SMOX: variants seen among roughly 807,000 people sequenced by gnomAD.
SMOX encodes flavin containing amine oxidase.
A neutral mutation model predicts 51.0 loss-of-function variants in SMOX; 22 were observed. The observed-to-expected ratio is 0.43, with a 90% CI of 0.31 to 0.62. SMOX has a LOEUF of 0.62. Among genes scored for constraint, SMOX ranks in the 20% least tolerant of loss-of-function variants. SMOX has a pLI of 0.10. For missense variants in SMOX, 566 were observed against 777.7 expected (o/e 0.73, Z 3.24); for synonymous variants, 282 against 307.8 (o/e 0.92, Z 0.88).
In SMOX at chr20:4,172,629, C is replaced by T. The variant is rs2122516807; in HGVS notation, c.-26-2401C>T. Among the ~76,000 whole-genome samples the T allele has an allele frequency of 6.6e-6, 1 of 152,202 alleles. No homozygotes were observed. The highest frequency in any genetic ancestry group is 2.4e-5 in the African/African-American group (1 of 41,542). On this transcript the variant is annotated intron_variant, in intron 1 of 6. Transcript: ENST00000305958. This position sits in a 1 kb window ranked among gnomAD's most constrained non-coding sequence, Gnocchi z 7.7. The stretch of plus-strand genomic sequence containing the variant: ...CCTCATCCCCAGCGAAAGCGCGACA[C>T]CCGCTGTCTGGGAAGGGGAGCGGGA...
chr20:4,175,325 G>C lies in SMOX; in HGVS notation c.208+62G>C. 2.6e-6 allele frequency: 4 copies of C among 1,528,904 alleles called. No individual in the cohort carries two copies. The African/African-American group carries it at 4.1e-5, about 16-fold the overall frequency. The allele number at this position is 1,528,904 out of a possible 1,614,324, so 94.7% of individuals were successfully genotyped here. Reference sequence around the variant, plus strand: ...GGTCACCTTTAGTCTCCTAATTCCCGGCTCTGCCTGAAATCTCATTATTTT... The same window carrying C: ...GGTCACCTTTAGTCTCCTAATTCCCCGCTCTGCCTGAAATCTCATTATTTT... On this transcript the variant is annotated intron_variant, in intron 2 of 6. Transcript: ENST00000305958.
At position 4,166,728 on chromosome 20, in the gene SMOX, C is replaced by T. The variant is rs1426972079; in HGVS notation, c.-26-8302C>T. 1.3e-5 allele frequency among the ~76,000 whole-genome samples: 2 copies of T among 152,246 alleles called. No individual in the cohort carries two copies. Among genetic ancestry groups the T allele is most frequent in the Non-Finnish European group, 1.5e-5 (1 of 68,054 alleles). On this transcript the variant is annotated intron_variant, in intron 1 of 6. Transcript: ENST00000305958. The surrounding 1 kb of genome is among the most constrained non-coding windows in gnomAD (Gnocchi z 4.2). ...GTGCTCACCTCTCCCGGGGGCCTCC[C>T]GCTCTTGCCTCCCAGTGCCTGTGGG...
chr20:4,183,715 T>A lies in SMOX; in HGVS notation c.1530+61T>A. On this transcript the variant is annotated intron_variant, in intron 6 of 6. Coordinates refer to ENST00000305958, the MANE Select transcript of SMOX (RefSeq NM_175839.3). This position sits in a 1 kb window ranked among gnomAD's most constrained non-coding sequence, Gnocchi z 4.3. ...GGGTGTATTTTGTATGTGTGTCCGG[T>A]CCAGGGTGAGGAGGGCTAGGGTAGT... 2 of 1,512,402 alleles carry A rather than the reference T, an allele frequency of 1.3e-6. No homozygotes were observed. The highest frequency in any genetic ancestry group is 1.8e-6 in the Non-Finnish European group (2 of 1,137,804). The allele number at this position is 1,512,402 out of a possible 1,614,324, so 93.7% of individuals were successfully genotyped here.
chr20:4,186,289 T>C (rs1600830532), intron 6 of SMOX, among the ~76,000 whole-genome samples: 1 of 152,098 alleles, frequency 6.6e-6, no homozygotes, highest in Non-Finnish European at 1.5e-5. Context: ...ACTGGGGCAA[T>C]AGAGTGAGAC....
intron 1 of SMOX, among the ~76,000 whole-genome samples, chr20:4,150,587 T>C (rs371805863): frequency 1.3e-5 from 2 of 152,196 alleles, no homozygotes; most frequent in South Asian, 2.1e-4. Flanking sequence ...CCCCGTTTCA[T>C]TCTTTCTTAT....
At chr20:4,165,271 G>C (rs1339013849) in intron 1 of SMOX, among the ~76,000 whole-genome samples, 1 of 152,002 alleles carries the variant, frequency 6.6e-6, no homozygotes, top group Admixed American at 6.6e-5. Context: ...GGCCAGGCTG[G>C]TCTCGAACTC....
intron 1 of SMOX, among the ~76,000 whole-genome samples, chr20:4,169,477 C>G (rs1438751566): frequency 6.6e-6 from 1 of 152,184 alleles, no homozygotes; most frequent in African/African-American, 2.4e-5. Flanking sequence ...AGAAAGGGCA[C>G]TGCACACCCA....
chr20:4,158,039 T>G (rs1192948396), intron 1 of SMOX, among the ~76,000 whole-genome samples: 3 of 151,070 alleles, frequency 2.0e-5, no homozygotes, highest in South Asian at 4.2e-4. Flanking sequence ...TAGCTGGGAC[T>G]ACAGGCGCCC....
chr20:4,150,797 C>A (rs1985702219), intron 1 of SMOX, among the ~76,000 whole-genome samples: 1 of 149,604 alleles, frequency 6.7e-6, no homozygotes, highest in Non-Finnish European at 1.5e-5. Flanking sequence ...GCCTTCCCAT[C>A]TCAGTGAATC....
rs1382514722 is a variant in SMOX, at chr20:4,183,815, G to A, written c.1530+161G>A. Among the ~76,000 whole-genome samples, 1 of 152,104 alleles carries A rather than the reference G, an allele frequency of 6.6e-6. No homozygotes were observed. Among genetic ancestry groups the A allele is most frequent in the Non-Finnish European group, 1.5e-5 (1 of 68,022 alleles). On this transcript the variant is annotated intron_variant, in intron 6 of 6. Coordinates refer to ENST00000305958, the MANE Select transcript of SMOX (RefSeq NM_175839.3). This position sits in a 1 kb window ranked among gnomAD's most constrained non-coding sequence, Gnocchi z 4.3. ...TGAGAGAGAACACAAGGAAAAAAGT[G>A]TGCACTTAATATCTGGAAGAAAAAA...
chr20:4,154,707 G>T (rs1319930017), intron 1 of SMOX, among the ~76,000 whole-genome samples: 1 of 152,150 alleles, frequency 6.6e-6, no homozygotes, highest in Middle Eastern at 3.2e-3. Flanking sequence ...CAATGCTGCT[G>T]CTCCATGGAG....
Position 4,177,700 on chromosome 20 carries a change from T to A in SMOX, c.435+123T>A. The A allele has an allele frequency of 1.2e-6, 1 of 856,152 alleles. No individual in the cohort carries two copies. The highest frequency in any genetic ancestry group is 1.8e-6 in the Non-Finnish European group (1 of 559,460). 53.0% of individuals were successfully genotyped at this position (856,152 alleles called of 1,614,324 possible). The stretch of plus-strand genomic sequence containing the variant: ...TTGGAAAACCAGGATAATGTGAGGG[T>A]AAAATGAAAATATTCAGTGGGATAG... On this transcript the variant is annotated intron_variant, in intron 3 of 6. Transcript: ENST00000305958. This position sits in a 1 kb window ranked among gnomAD's most constrained non-coding sequence, Gnocchi z 4.3.
chr20:4,186,617 G>C, intron 6 of SMOX: 1 of 676,612 alleles, frequency 1.5e-6, no homozygotes, highest in East Asian at 2.5e-5. Context: ...CTGTCCTCTG[G>C]GAAGCTTTGT....
intron 1 of SMOX, among the ~76,000 whole-genome samples, chr20:4,157,914 T>A (rs2122395140): frequency 6.6e-6 from 1 of 152,200 alleles, no homozygotes; most frequent in South Asian, 2.1e-4. Context: ...TTTTTTATTT[T>A]TTTTGAGTTG....
chr20:4,150,461 G>C (rs1400876759), intron 1 of SMOX, among the ~76,000 whole-genome samples: 3 of 152,044 alleles, frequency 2.0e-5, no homozygotes, highest in Non-Finnish European at 4.4e-5. Context: ...TCCCTCCTTG[G>C]CTGCCCTTTT....
intron 1 of SMOX, among the ~76,000 whole-genome samples, chr20:4,155,001 G>A (rs1049106614): frequency 2.0e-5 from 3 of 152,026 alleles, no homozygotes; most frequent in African/African-American, 4.8e-5. Context: ...TGATTTCCAG[G>A]GCCTCTGACT....
At position 4,153,222 on chromosome 20, in the gene SMOX, G is replaced by A. The variant is rs1026969071; in HGVS notation, c.-27+4245G>A. On this transcript the variant is annotated intron_variant, in intron 1 of 6. Transcript: ENST00000305958. This position sits in a 1 kb window ranked among gnomAD's most constrained non-coding sequence, Gnocchi z 4.4. The stretch of plus-strand genomic sequence containing the variant: ...TGATTTTGGGGTGCTGGGAAGGTCT[G>A]CTGCTTCTGGTTCAGCTACCGCTTT... 1.7e-4 allele frequency among the ~76,000 whole-genome samples: 26 copies of A among 152,238 alleles called. No individual in the cohort carries two copies. Among genetic ancestry groups the A allele is most frequent in the African/African-American group, 6.0e-4 (25 of 41,462 alleles).
rs148759903 is a variant in SMOX at position 4,181,094 on chromosome 20, C to T, written c.436-709C>T. On this transcript the variant is annotated intron_variant, in intron 3 of 6. Coordinates refer to ENST00000305958, the MANE Select transcript of SMOX (RefSeq NM_175839.3). This position sits in a 1 kb window ranked among gnomAD's most constrained non-coding sequence, Gnocchi z 5.6. ...TCAGACCCCTTTTCAAGTGACTGAT[C>T]GTCGTTATCTGTTGATGAGGTGTGG... 6.6e-5 allele frequency among the ~76,000 whole-genome samples: 10 copies of T among 152,254 alleles called. No homozygotes were observed. In the South Asian group the frequency reaches 1.9e-3, roughly 28 times the overall value.
rs374806618 is a variant in SMOX, at chr20:4,187,076, A to G, written c.1531-194A>G. Reference sequence around the variant, plus strand: ...CTCCTAATGGCCTCAAGACAGAAAGAGCCAAGGGAAGAAGCAGGGGAAAGT... The same window carrying G: ...CTCCTAATGGCCTCAAGACAGAAAGGGCCAAGGGAAGAAGCAGGGGAAAGT... On this transcript the variant is annotated intron_variant, in intron 6 of 6. Coordinates refer to ENST00000305958, the MANE Select transcript of SMOX (RefSeq NM_175839.3). The surrounding 1 kb of genome is among the most constrained non-coding windows in gnomAD (Gnocchi z 4.8). Among the ~76,000 whole-genome samples, 35 of 152,314 alleles carry G rather than the reference A, an allele frequency of 2.3e-4. No homozygotes were observed. In the Middle Eastern group the frequency reaches 0.01, roughly 44 times the overall value.
Sources: gnomAD v4.1 joint callset for allele counts (sites outside exome capture counted in the v4.1 genomes callset) on GRCh38, gnomAD v4.1.1 for gene constraint, Gnocchi (gnomAD v3.1) non-coding constraint, MANE v1.5 for transcripts, NCBI Gene and HGNC (gene_info 2026-07-23, HGNC 2026-07-21) for gene names.